Variants in ABLIM1 observed in about 807,000 individuals in gnomAD.
ABLIM1 encodes the protein actin-binding LIM protein 1.
In ABLIM1, 40 loss-of-function variants were observed where a neutral mutation model predicts 107.0. The ratio of observed to expected loss-of-function variants is 0.37; its 90% CI spans 0.29 to 0.49. The LOEUF is 0.49. Among genes scored for constraint, ABLIM1 ranks in the 20% least tolerant of loss-of-function variants. The pLI is 0.97. For missense variants in ABLIM1, 857 were observed against 1,008.5 expected (o/e 0.85, Z 2.04); for synonymous variants, 357 against 357.3 (o/e 1.00, Z 0.01).
upstream of ABLIM1, among the ~76,000 whole-genome samples, chr10:114,769,419 G>A (rs879738265): frequency 7.3e-3 from 57 of 7,846 alleles, no homozygotes; most frequent in Admixed American, 0.017. Context: ...AGAAAGAAAA[G>A]AAGGAAAGAA....
intron 1 of ABLIM1, among the ~76,000 whole-genome samples, chr10:114,739,527 T>C (rs1363826423): frequency 2.0e-5 from 3 of 152,220 alleles, no homozygotes; most frequent in Non-Finnish European, 4.4e-5. Flanking sequence ...AAAGCATTGT[T>C]TGAAAGTATT....
upstream of ABLIM1, among the ~76,000 whole-genome samples, chr10:114,771,240 A>C (rs1323313619): frequency 6.6e-6 from 1 of 152,224 alleles, no homozygotes; most frequent in Non-Finnish European, 1.5e-5. Flanking sequence ...AATAATGAAC[A>C]GATCTTACTC....
intron 8 of ABLIM1, among the ~76,000 whole-genome samples, chr10:114,478,151 G>T (rs1188116384): frequency 1.3e-5 from 2 of 152,148 alleles, no homozygotes; most frequent in Non-Finnish European, 2.9e-5. Flanking sequence ...TCAACAATTT[G>T]AATTTTTTCA....
At chr10:114,777,591 C>T in the ABLIM1 span, among the ~76,000 whole-genome samples, 2 of 152,198 alleles carry the variant, frequency 1.3e-5, no homozygotes, top group African/African-American at 4.8e-5. Flanking sequence ...TCTTAAGTAC[C>T]ATGAAATTGG....
intron 8 of ABLIM1, among the ~76,000 whole-genome samples, chr10:114,487,551 T>C (rs1011888404): frequency 1.3e-5 from 2 of 152,196 alleles, no homozygotes; most frequent in African/African-American, 2.4e-5. Context: ...ATCCAGTAAA[T>C]GAGAGACCAG....
chr10:114,670,413 TA>T (rs1566212005), intron 1 of ABLIM1, among the ~76,000 whole-genome samples: 1 of 152,260 alleles, frequency 6.6e-6, no homozygotes, highest in African/African-American at 2.4e-5. Flanking sequence ...AGAGAAAACT[TA>T]AAAAACACTG....
intron 1 of ABLIM1, among the ~76,000 whole-genome samples, chr10:114,756,891 C>G (rs1476712563): frequency 6.6e-6 from 1 of 152,170 alleles, no homozygotes; most frequent in Non-Finnish European, 1.5e-5. Flanking sequence ...CCACTGGACA[C>G]GTTGTAGTGC....
At chr10:114,644,306 A>AAATATATATATAT (rs1408072252) in intron 1 of ABLIM1, among the ~76,000 whole-genome samples, 2 of 52,254 alleles carry the variant, frequency 3.8e-5, no homozygotes, top group Admixed American at 3.1e-4. Flanking sequence ...AAAAAAAAAA[A>AAATATATATATAT]ATATATATAT....
At chr10:114,662,456 C>T (rs1023204306), upstream of ABLIM1, among the ~76,000 whole-genome samples, 25 of 152,112 alleles carry the variant, frequency 1.6e-4, no homozygotes, top group African/African-American at 5.8e-4. Flanking sequence ...CTCCCTGCTC[C>T]CCGTAAGTCC....
At chr10:114,706,570 T>C (rs1183807492) in intron 1 of ABLIM1, among the ~76,000 whole-genome samples, 2 of 152,132 alleles carry the variant, frequency 1.3e-5, no homozygotes, top group Non-Finnish European at 2.9e-5. Flanking sequence ...GGATGCCAGG[T>C]ATGATTTAAG....
intron 1 of ABLIM1, among the ~76,000 whole-genome samples, chr10:114,647,995 T>C (rs1297651186): frequency 6.6e-6 from 1 of 152,068 alleles, no homozygotes; most frequent in African/African-American, 2.4e-5. Context: ...AGAATGTACA[T>C]ATAGGATTTG....
chr10:114,634,129 C>CTTTTTTTTTTTTTTT lies in ABLIM1; in HGVS notation c.244+23813_244+23827dup, dbSNP rs745875295. On this transcript the variant is annotated intron_variant, in intron 1 of 22. Coordinates refer to ENST00000533213, the MANE Select transcript of ABLIM1 (RefSeq NM_002313.7). ...CGTAAATGCCATTAGCTCAATTTTT[C>CTTTTTTTTTTTTTTT]TTTTTTTTTTTTTTTTTTTTTGAGA... 1.6e-3 allele frequency among the ~76,000 whole-genome samples: 107 copies of CTTTTTTTTTTTTTTT among 68,280 alleles called. 15 individuals are homozygous for CTTTTTTTTTTTTTTT. Among genetic ancestry groups the CTTTTTTTTTTTTTTT allele is most frequent in the African/African-American group, 3.9e-3 (61 of 15,664 alleles). 44.8% of individuals were successfully genotyped at this position (68,280 alleles called of 152,430 possible).
intron 1 of ABLIM1, among the ~76,000 whole-genome samples, chr10:114,618,758 G>T (rs1290390413): frequency 1.3e-5 from 2 of 152,242 alleles, no homozygotes; most frequent in African/African-American, 4.8e-5. Context: ...CAACCTGAAA[G>T]TACTGTGTTG....
At chr10:114,540,456 C>T (rs1177170611) in intron 6 of ABLIM1, among the ~76,000 whole-genome samples, 2 of 152,122 alleles carry the variant, frequency 1.3e-5, no homozygotes, top group Non-Finnish European at 2.9e-5. Flanking sequence ...GGTGCTCGGG[C>T]CCGTCTCCCC....
chr10:114,606,639 C>T (rs1223414256), intron 1 of ABLIM1, among the ~76,000 whole-genome samples: 2 of 152,204 alleles, frequency 1.3e-5, no homozygotes, highest in Non-Finnish European at 2.9e-5. Context: ...CCCCACTGCA[C>T]CATCACTCCC....
At chr10:114,789,323 T>G in the ABLIM1 span, among the ~76,000 whole-genome samples, 15 of 152,218 alleles carry the variant, frequency 9.9e-5, no homozygotes, top group African/African-American at 3.6e-4. Flanking sequence ...CTCTGCTAAT[T>G]AAAACCTTTC....
Position 114,459,857 on chromosome 10 carries a change from C to T in ABLIM1, c.1441+5841G>A, listed in dbSNP as rs890793170. On this transcript the variant is annotated intron_variant, in intron 12 of 22. Coordinates refer to ENST00000533213, the MANE Select transcript of ABLIM1 (RefSeq NM_002313.7). ...TATCATTTAAATCCAGAACACCTGA[C>T]GGTGTCAAACACTTCAAATGCAGAC... 3.3e-5 allele frequency among the ~76,000 whole-genome samples: 5 copies of T among 152,148 alleles called. No individual in the cohort carries two copies. In the East Asian group the frequency reaches 5.8e-4, roughly 18 times the overall value.
At chr10:114,740,015 C>T (rs113205824) in intron 1 of ABLIM1, among the ~76,000 whole-genome samples, 5,844 of 152,096 alleles carry the variant, frequency 0.038, 149 homozygotes, top group Non-Finnish European at 0.056. Context: ...TCTTAAATAA[C>T]AGCAAACCTG....
the ABLIM1 span, among the ~76,000 whole-genome samples, chr10:114,787,551 C>T: frequency 4.7e-5 from 7 of 149,260 alleles, no homozygotes; most frequent in African/African-American, 1.7e-4. Context: ...GCCCCCCGCC[C>T]GGCCAGCCAC....
Sources: gnomAD v4.1 joint callset for allele counts (sites outside exome capture counted in the v4.1 genomes callset) on GRCh38, gnomAD v4.1.1 for gene constraint, MANE v1.5 for transcripts, NCBI Gene and HGNC (gene_info 2026-07-23, HGNC 2026-07-21) for gene names.